WWOX: variants seen among roughly 807,000 people sequenced by gnomAD.
WWOX encodes WW domain containing oxidoreductase.
In WWOX, 69 loss-of-function variants were observed where a neutral mutation model predicts 46.2. The ratio of observed to expected loss-of-function variants is 1.49; its 90% CI spans 1.23 to 1.82. The LOEUF (loss-of-function observed/expected upper bound fraction) is 1.82, where lower values mean the gene tolerates loss of function less well. WWOX is among the 40% of genes most tolerant of loss of function. WWOX has a pLI of 0.00. For missense variants in WWOX, 919 were observed against 542.6 expected (o/e 1.69, Z -6.89); for synonymous variants, 359 against 202.6 (o/e 1.77, Z -6.56).
intron 5 of WWOX, among the ~76,000 whole-genome samples, chr16:78,188,793 A>G (rs960816212): frequency 1.3e-5 from 2 of 152,136 alleles, no homozygotes; most frequent in African/African-American, 4.8e-5. Flanking sequence ...GCCTTTTGAA[A>G]TCGTATCAGT....
intron 8 of WWOX, among the ~76,000 whole-genome samples, chr16:79,208,705 C>T (rs2051607263): frequency 6.6e-6 from 1 of 151,836 alleles, no homozygotes; most frequent in South Asian, 2.1e-4. Context: ...TGAGATTTCA[C>T]TAATGTGCCT....
chr16:79,006,937 A>G (rs1751102747), intron 8 of WWOX, among the ~76,000 whole-genome samples: 1 of 152,246 alleles, frequency 6.6e-6, no homozygotes, highest in Admixed American at 6.5e-5. Flanking sequence ...CTCTTTTAAG[A>G]TCAGCTGATT....
chr16:78,276,416 T>C (rs1273210248), intron 5 of WWOX, among the ~76,000 whole-genome samples: 1 of 152,174 alleles, frequency 6.6e-6, no homozygotes, highest in Non-Finnish European at 1.5e-5. Flanking sequence ...ACATACAATT[T>C]AATCAGGCAC....
At chr16:78,729,460 C>G (rs1220321506) in intron 8 of WWOX, among the ~76,000 whole-genome samples, 4 of 152,056 alleles carry the variant, frequency 2.6e-5, no homozygotes, top group Non-Finnish European at 5.9e-5. Context: ...TGCAAGCATC[C>G]TTATGGAAGA....
At chr16:78,541,329 C>G (rs943574795) in intron 8 of WWOX, among the ~76,000 whole-genome samples, 1 of 150,952 alleles carries the variant, frequency 6.6e-6, no homozygotes, top group Non-Finnish European at 1.5e-5. Flanking sequence ...AAAAAATTAG[C>G]CGGGCGTAGT....
intron 5 of WWOX, among the ~76,000 whole-genome samples, chr16:78,178,105 A>G (rs985859659): frequency 6.6e-6 from 1 of 152,188 alleles, no homozygotes; most frequent in Non-Finnish European, 1.5e-5. Flanking sequence ...TGAATCAGGA[A>G]GTGCTGACAG....
chr16:78,674,161 C>G (rs1371572663), intron 8 of WWOX, among the ~76,000 whole-genome samples: 1 of 151,946 alleles, frequency 6.6e-6, no homozygotes, highest in Non-Finnish European at 1.5e-5. Context: ...TCCTTTGGCT[C>G]AGAGACTTAT....
intron 8 of WWOX, among the ~76,000 whole-genome samples, chr16:79,005,286 G>C (rs566840708): frequency 6.6e-6 from 1 of 152,292 alleles, no homozygotes; most frequent in East Asian, 1.9e-4. Context: ...GTTCCTTGAT[G>C]ACCCCTGGGA....
intron 3 of WWOX, 105 bp from the exon 4 acceptor site, chr16:78,114,871 A>G (rs376816766): frequency 2.0e-4 from 294 of 1,445,992 alleles, no homozygotes; most frequent in African/African-American, 1.9e-3. Context: ...AGGAATAAGC[A>G]TTTTGGTCTA....
At chr16:79,035,324 T>A (rs1461068174) in intron 8 of WWOX, among the ~76,000 whole-genome samples, 2 of 152,050 alleles carry the variant, frequency 1.3e-5, no homozygotes, top group Non-Finnish European at 2.9e-5. Flanking sequence ...GGGAGGCAAA[T>A]CCAGGGGAGT....
In WWOX at chr16:78,338,413, CTGTT is replaced by C. The variant is rs1462109778; in HGVS notation, c.517-48445_517-48442del. ...TGCAATATTATCCTTGCAAAATTGT[CTGTT>C]TATTTTTTTTGCCCTTTTGGGGGAC... is the stretch of plus-strand genomic sequence containing the variant. On this transcript the variant is annotated intron_variant, in intron 5 of 8. Coordinates refer to ENST00000566780, the MANE Select transcript of WWOX (RefSeq NM_016373.4). Among the ~76,000 whole-genome samples, 2 of 120,600 alleles carry C rather than the reference CTGTT, an allele frequency of 1.7e-5. 1 individual carries two copies. Among genetic ancestry groups the C allele is most frequent in the Non-Finnish European group, 4.0e-5 (2 of 50,614 alleles). The allele number at this position is 120,600 out of a possible 152,430, so 79.1% of individuals were successfully genotyped here.
intron 8 of WWOX, among the ~76,000 whole-genome samples, chr16:78,929,972 T>A (rs2045582951): frequency 6.6e-6 from 1 of 152,114 alleles, no homozygotes; most frequent in South Asian, 2.1e-4. Context: ...TGCAGCTAGC[T>A]CTCTGTGACC....
chr16:78,422,680 T>TATATATATATATATATATATATATATAC, intron 6 of WWOX, among the ~76,000 whole-genome samples: 1 of 75,160 alleles, frequency 1.3e-5, no homozygotes, highest in Non-Finnish European at 2.3e-5. Flanking sequence ...TATATATATA[T>TATATATATATATATATATATATATATAC]ATATACACAC....
chr16:78,965,969 G>A (rs1401484990), intron 8 of WWOX, among the ~76,000 whole-genome samples: 2 of 152,190 alleles, frequency 1.3e-5, no homozygotes, highest in Admixed American at 1.3e-4. Context: ...GGAGGAAGGA[G>A]ATGCTGTGAT....
intron 8 of WWOX, among the ~76,000 whole-genome samples, chr16:78,743,073 C>T (rs2049269315): frequency 6.6e-6 from 1 of 152,024 alleles, no homozygotes; most frequent in Non-Finnish European, 1.5e-5. Context: ...GGAAGTGAAC[C>T]CGATCAGCCC....
chr16:78,136,260 T>TA lies in WWOX; in HGVS notation c.409+21107dup, dbSNP rs1206729030. On this transcript the variant is annotated intron_variant, in intron 4 of 8. Coordinates refer to ENST00000566780, the MANE Select transcript of WWOX (RefSeq NM_016373.4). The stretch of plus-strand genomic sequence containing the variant: ...TTCTACAAAGCAAGGGATTTCATGA[T>TA]ATCCCTATGCTTTTAAAAAATTATT... Among the ~76,000 whole-genome samples, 7 of 152,336 alleles carry TA rather than the reference T, an allele frequency of 4.6e-5. No homozygotes were observed. In the East Asian group the frequency reaches 1.2e-3, roughly 25 times the overall value.
chr16:78,183,306 G>C (rs2035591196), intron 5 of WWOX, among the ~76,000 whole-genome samples: 1 of 152,148 alleles, frequency 6.6e-6, no homozygotes, highest in African/African-American at 2.4e-5. Context: ...CTGTATTATG[G>C]CCCAAGCTCA....
chr16:78,487,864 T>C (rs1045029210), intron 8 of WWOX, among the ~76,000 whole-genome samples: 1 of 152,144 alleles, frequency 6.6e-6, no homozygotes, highest in South Asian at 2.1e-4. Flanking sequence ...AACACTAGGA[T>C]AGGGCATAAG....
At chr16:79,101,930 A>G (rs1374513799) in intron 8 of WWOX, among the ~76,000 whole-genome samples, 1 of 150,338 alleles carries the variant, frequency 6.7e-6, no homozygotes, top group East Asian at 2.0e-4. Context: ...GATCCATGAG[A>G]TCCAAGCTAA....
Sources: allele counts gnomAD v4.1 joint callset (sites outside exome capture counted in the v4.1 genomes callset), GRCh38; gene constraint gnomAD v4.1.1; transcripts MANE v1.5; gene names NCBI Gene and HGNC (gene_info 2026-07-23, HGNC 2026-07-21).